The following COL25A1 variants were observed in gnomAD, a reference collection of about 807,000 sequenced individuals.
COL25A1 encodes the protein collagen alpha-1(XXV) chain.
In COL25A1, 103 loss-of-function variants were observed where a neutral mutation model predicts 128.4. That is an observed-to-expected ratio of 0.80 (90% CI 0.68 to 0.94). The LOEUF (loss-of-function observed/expected upper bound fraction) is 0.94, where lower values mean the gene tolerates loss of function less well. Ranked by LOEUF, COL25A1 falls within the 40% of genes least tolerant of loss-of-function variation. COL25A1 has a pLI of 0.00. For synonymous variants in COL25A1, 279 were observed against 277.2 expected (o/e 1.01, Z -0.06); for missense variants, 745 against 840.0 (o/e 0.89, Z 1.40).
intron 10 of COL25A1, among the ~76,000 whole-genome samples, chr4:108,938,244 G>A (rs902431059): frequency 1.3e-5 from 2 of 152,068 alleles, no homozygotes; most frequent in Admixed American, 6.6e-5. Flanking sequence ...AAATTTGATA[G>A]AGAAAATTAC....
At chr4:109,127,841 A>G (rs1416034581) in intron 3 of COL25A1, among the ~76,000 whole-genome samples, 1 of 152,202 alleles carries the variant, frequency 6.6e-6, no homozygotes, top group African/African-American at 2.4e-5. Context: ...GAGGCACAGC[A>G]ATGCTCACAG....
At chr4:108,840,999 A>G (rs1734379048) in intron 31 of COL25A1, among the ~76,000 whole-genome samples, 1 of 152,218 alleles carries the variant, frequency 6.6e-6, no homozygotes, top group Non-Finnish European at 1.5e-5. Flanking sequence ...TTCATCACGT[A>G]TGCTCCCTGA....
chr4:109,026,559 A>G (rs1220616499), intron 5 of COL25A1, among the ~76,000 whole-genome samples: 1 of 152,220 alleles, frequency 6.6e-6, no homozygotes, highest in Admixed American at 6.5e-5. Flanking sequence ...ACTTGGGAAA[A>G]GGGTGTGGGA....
chr4:108,838,537 GA>G (rs888723442), intron 31 of COL25A1, among the ~76,000 whole-genome samples: 22 of 150,302 alleles, frequency 1.5e-4, no homozygotes, highest in Non-Finnish European at 3.0e-4. Flanking sequence ...AGATTCGGTA[GA>G]AAAAAAAACC....
chr4:109,050,538 A>G (rs1431083615), intron 3 of COL25A1, among the ~76,000 whole-genome samples: 6 of 152,066 alleles, frequency 3.9e-5, no homozygotes, highest in Non-Finnish European at 7.4e-5. Flanking sequence ...ATGAATAATT[A>G]AAGTACTAAT....
intron 5 of COL25A1, among the ~76,000 whole-genome samples, chr4:109,010,683 T>C (rs1464121847): frequency 6.6e-6 from 1 of 152,216 alleles, no homozygotes; most frequent in Non-Finnish European, 1.5e-5. Flanking sequence ...CTAGTATTAC[T>C]GTGATGAAGG....
intron 3 of COL25A1, among the ~76,000 whole-genome samples, chr4:109,125,100 T>C (rs1261748009): frequency 6.6e-6 from 1 of 152,126 alleles, no homozygotes; most frequent in Admixed American, 6.6e-5. Context: ...AAAAAGACTC[T>C]ATTTTCTGAT....
intron 3 of COL25A1, among the ~76,000 whole-genome samples, chr4:109,158,403 A>G (rs1772236852): frequency 6.6e-6 from 1 of 152,290 alleles, no homozygotes; most frequent in Admixed American, 6.5e-5. Context: ...AAAAAGCTGT[A>G]TTCTTCTATA....
At chr4:109,206,121 C>T (rs940749562) in intron 3 of COL25A1, among the ~76,000 whole-genome samples, 1 of 152,144 alleles carries the variant, frequency 6.6e-6, no homozygotes, top group African/African-American at 2.4e-5. Context: ...TAATAGACAG[C>T]AACTTACGGC....
chr4:109,006,378 A>ATTTTTTTTTT lies in COL25A1; in HGVS notation c.438+3970_438+3979dup, dbSNP rs56845799. On this transcript the variant is annotated intron_variant, in intron 6 of 37. Coordinates refer to ENST00000399132, the MANE Select transcript of COL25A1 (RefSeq NM_198721.4). ...AGGTGTGCACTGCCACACCCAGCTAATTTTTTTTTTTTTTTTTTTTTTTTT... is the reference window on the plus strand; with the variant it reads ...AGGTGTGCACTGCCACACCCAGCTAATTTTTTTTTTTTTTTTTTTTTTTTTTTTTTTTTTT... Among the ~76,000 whole-genome samples the ATTTTTTTTTT allele has an allele frequency of 5.2e-3, 271 of 51,868 alleles. 10 individuals are homozygous for ATTTTTTTTTT. Among genetic ancestry groups the ATTTTTTTTTT allele is most frequent in the South Asian group, 8.3e-3 (7 of 846 alleles). The allele number at this position is 51,868 out of a possible 152,430, so 34.0% of individuals were successfully genotyped here.
chr4:109,221,666 T>C (rs972223402), intron 3 of COL25A1, among the ~76,000 whole-genome samples: 2 of 152,224 alleles, frequency 1.3e-5, no homozygotes, highest in African/African-American at 4.8e-5. Context: ...TATCAGATTG[T>C]GAAGTCACTG....
At chr4:108,987,959 G>GCTCA (rs777601347) in intron 6 of COL25A1, among the ~76,000 whole-genome samples, 2 of 152,064 alleles carry the variant, frequency 1.3e-5, no homozygotes, top group East Asian at 3.8e-4. Flanking sequence ...ATGAAACTTA[G>GCTCA]CTCACCCTGC....
chr4:109,080,401 G>C (rs768815348), intron 3 of COL25A1, among the ~76,000 whole-genome samples: 2 of 151,808 alleles, frequency 1.3e-5, no homozygotes, highest in Non-Finnish European at 2.9e-5. Context: ...AATCCTAATA[G>C]AAAAAAATAT....
chr4:108,997,966 A>G (rs1314069623), intron 6 of COL25A1, among the ~76,000 whole-genome samples: 3 of 152,152 alleles, frequency 2.0e-5, no homozygotes, highest in African/African-American at 7.2e-5. Context: ...GTATTAATGG[A>G]ATGTATCTCA....
At chr4:109,209,331 C>T (rs1271557629) in intron 3 of COL25A1, among the ~76,000 whole-genome samples, 6 of 8,432 alleles carry the variant, frequency 7.1e-4, no homozygotes, top group Non-Finnish European at 1.7e-4. Flanking sequence ...GGAGATAATG[C>T]CAGAAAAAAA....
rs772260651 is a variant in COL25A1, at chr4:109,246,016, C to CAAA, written c.367+54564_367+54566dup. 6.1e-3 allele frequency among the ~76,000 whole-genome samples: 401 copies of CAAA among 65,604 alleles called. 4 individuals carry two copies. The highest frequency in any genetic ancestry group is 0.018 in the African/African-American group (356 of 20,064). 43.0% of individuals were successfully genotyped at this position (65,604 alleles called of 152,430 possible). A position where few individuals can be genotyped will look rare whatever the true frequency, so the allele number is the denominator to read the frequency against. On this transcript the variant is annotated intron_variant, in intron 3 of 37. Coordinates refer to ENST00000399132, the MANE Select transcript of COL25A1 (RefSeq NM_198721.4). ...CTCTAGTTGCTTTTTTGTTAAAAAG[C>CAAA]AAAAAAAAAAAAAAAAAAAATTTAA...
chr4:108,824,283 T>C lies in COL25A1; in HGVS notation c.1792-56A>G, dbSNP rs937766021. ...TATTGGTGTAATAGTGGCAAAATCA[T>C]ATAGAAACAAATATTTTAGGATTTT... On this transcript the variant is annotated intron_variant, in intron 34 of 37. Transcript: ENST00000399132. 1.9e-4 allele frequency: 222 copies of C among 1,186,260 alleles called. 1 individual carries two copies. The highest frequency in any genetic ancestry group is 2.5e-4 in the Non-Finnish European group (203 of 817,360). 73.5% of individuals were successfully genotyped at this position (1,186,260 alleles called of 1,614,324 possible).
intron 9 of COL25A1, 53 bp from the exon 10 acceptor site, chr4:108,940,699 G>A: frequency 1.6e-6 from 2 of 1,230,460 alleles, no homozygotes; most frequent in East Asian, 2.4e-5. Context: ...TAAAGACCCA[G>A]GTCTTCTTTT....
chr4:108,959,664 T>C (rs1383754489), intron 8 of COL25A1, among the ~76,000 whole-genome samples: 1 of 152,190 alleles, frequency 6.6e-6, no homozygotes, highest in Non-Finnish European at 1.5e-5. Context: ...GTAGATACAA[T>C]GACTCAAACT....
Sources: allele counts gnomAD v4.1 joint callset (sites outside exome capture counted in the v4.1 genomes callset), GRCh38; gene constraint gnomAD v4.1.1; transcripts MANE v1.5; gene names NCBI Gene and HGNC (gene_info 2026-07-23, HGNC 2026-07-21).